LRRC43: variants seen among roughly 807,000 people sequenced by gnomAD.
LRRC43 encodes leucine-rich repeat-containing protein 43.
LRRC43 carries 62 observed loss-of-function variants against 64.3 expected under a neutral mutation model. The ratio of observed to expected loss-of-function variants is 0.96; its 90% CI spans 0.79 to 1.19. The LOEUF (loss-of-function observed/expected upper bound fraction) is 1.19. Among genes scored for constraint, LRRC43 ranks in the 50% most tolerant of loss-of-function variants. The pLI is 0.00. For synonymous variants in LRRC43, 422 were observed against 382.3 expected (o/e 1.10, Z -1.21); for missense variants, 868 against 845.0 (o/e 1.03, Z -0.34).
At chr12:122,172,204 C>A in intron 1 of LRRC43, 1 of 515,074 alleles carries the variant, frequency 1.9e-6, no homozygotes, top group Non-Finnish European at 3.5e-6. Context: ...CCATAAATAC[C>A]AAGACTAATA....
Position 122,193,004 on chromosome 12 carries a change from G to A in LRRC43, c.1349G>A (p.Gly450Glu), listed in dbSNP as rs1953736268. 2 of 1,613,092 alleles carry A rather than the reference G, an allele frequency of 1.2e-6. No homozygotes were observed. Among genetic ancestry groups the A allele is most frequent in the African/African-American group, 1.3e-5 (1 of 74,824 alleles). ...GATCCCCGGCTCTGCCCGTCCCCAG[G>A]GTAAGGATGGAAATCTGAACCAGGG... ...RIDPRLCPSP[G>E]TVLFSTAHKP... The change falls in exon 7 of 12, where the codon GGG becomes GAG. Residue 450 changes from glycine to glutamate, a missense_variant and splice_region_variant. Physicochemically the swap from Gly to Glu is moderately conservative, Grantham distance 98. Coordinates refer to ENST00000339777, the MANE Select transcript of LRRC43 (RefSeq NM_001098519.2).
Position 122,187,793 on chromosome 12 carries a change from C to A in LRRC43, c.615C>A (p.Asn205Lys). Residue 205 changes from asparagine (N) to lysine (K), a missense_variant, in exon 4 of 12, where the codon AAC becomes AAA. Physicochemically the swap from Asn to Lys is moderately conservative, Grantham distance 94. Transcript: ENST00000339777. The stretch of plus-strand genomic sequence containing the variant: ...TGCAGCACTTGGGGTTAGGCCACAA[C>A]AAACTTCTAGGCCCCTTGGAAAGTC... Reference protein sequence around the residue: ...AGLQHLGLGHNKLLGPLESLY... With the variant: ...AGLQHLGLGHKKLLGPLESLY... 6.2e-7 allele frequency: 1 copy of A among 1,614,180 alleles called. No individual in the cohort carries two copies. Among genetic ancestry groups the A allele is most frequent in the Non-Finnish European group, 8.5e-7 (1 of 1,180,036 alleles).
At chr12:122,173,968 A>G in intron 1 of LRRC43, 4 of 1,614,176 alleles carry the variant, frequency 2.5e-6, no homozygotes, top group Non-Finnish European at 3.4e-6. Flanking sequence ...GCAGCAGAAC[A>G]GAAAGAGCAC....
chr12:122,190,657 G>A (rs1035140958), intron 5 of LRRC43, among the ~76,000 whole-genome samples: 8 of 152,150 alleles, frequency 5.3e-5, no homozygotes, highest in Admixed American at 5.2e-4. Context: ...GAAGTCAGGA[G>A]TTTGAGACCA....
chr12:122,177,926 C>T (rs945688373), intron 1 of LRRC43, among the ~76,000 whole-genome samples: 3 of 151,738 alleles, frequency 2.0e-5, no homozygotes, highest in African/African-American at 7.3e-5. Flanking sequence ...CAACCTCTGC[C>T]TCCTGGGTTC....
In LRRC43 at chr12:122,201,296, G is replaced by A; in HGVS notation, c.1810G>A (p.Asp604Asn). The A allele has an allele frequency of 1.2e-6, 2 of 1,614,084 alleles. No homozygotes were observed. Among genetic ancestry groups the A allele is most frequent in the Non-Finnish European group, 1.7e-6 (2 of 1,179,960 alleles). The change falls in exon 11 of 12, where the codon GAT becomes AAT. Residue 604 changes from aspartate (D) to asparagine (N), a missense_variant and splice_region_variant. Physicochemically the swap from Asp to Asn is conservative, Grantham distance 23. Coordinates refer to ENST00000339777, the MANE Select transcript of LRRC43 (RefSeq NM_001098519.2). ...CTCGTTTTGTGGTTCTTTCTCTCAG[G>A]ATTCAAAGAAGATTAAGAAAGTTGC... is the stretch of plus-strand genomic sequence containing the variant. ...LTSDRLTLAR[D>N]SKKIKKVAKK... is the part of the protein sequence containing the mutation.
At position 122,200,450 on chromosome 12, in the gene LRRC43, A is replaced by G. The variant is rs564938267; in HGVS notation, c.1492-82A>G. 3.4e-5 allele frequency: 54 copies of G among 1,611,096 alleles called. No individual in the cohort carries two copies. In the African/African-American group the frequency reaches 6.1e-4, roughly 18 times the overall value. On this transcript the variant is annotated intron_variant, in intron 8 of 11. Transcript: ENST00000339777. This position sits in a 1 kb window ranked among gnomAD's most constrained non-coding sequence, Gnocchi z 4.6. The stretch of plus-strand genomic sequence containing the variant: ...CCTGGTTAGATGAGTTCTCAGCGCC[A>G]TTCCAGAAAGGGTGAGGGAGAGGTG...
At chr12:122,189,860 G>A (rs1276011886) in intron 4 of LRRC43, among the ~76,000 whole-genome samples, 1 of 152,234 alleles carries the variant, frequency 6.6e-6, no homozygotes. Flanking sequence ...GAGAGGTTTG[G>A]CCAAGAAGAG....
rs1023701484 is a variant in LRRC43, at chr12:122,187,695, TC to T, written c.523-3del. The T allele has an allele frequency of 6.2e-7, 1 of 1,612,896 alleles. No individual in the cohort carries two copies. The highest frequency in any genetic ancestry group is 1.3e-5 in the African/African-American group (1 of 74,896). On this transcript the variant is annotated splice_polypyrimidine_tract_variant and splice_region_variant and intron_variant, in intron 3 of 11. Coordinates refer to ENST00000339777, the MANE Select transcript of LRRC43 (RefSeq NM_001098519.2). Reference sequence around the variant, plus strand: ...ATCGTCCCGGGCCTTCCGTGTGGTCTCCCAGGTGCTGGAGCTCTACGGCAAT... The same window carrying T: ...ATCGTCCCGGGCCTTCCGTGTGGTCTCCAGGTGCTGGAGCTCTACGGCAAT...
chr12:122,201,489 C>G (rs1221027278), intron 11 of LRRC43, among the ~76,000 whole-genome samples, 160 bp downstream of exon 11: 1 of 152,158 alleles, frequency 6.6e-6, no homozygotes, highest in Non-Finnish European at 1.5e-5. Context: ...TATTTCTTCT[C>G]TGCAGCCCTC....
chr12:122,169,259 T>G (rs1291586535), intron 1 of LRRC43, among the ~76,000 whole-genome samples: 3 of 152,202 alleles, frequency 2.0e-5, no homozygotes, highest in Non-Finnish European at 4.4e-5. Flanking sequence ...CACCATGGTT[T>G]GAAGGGAGAT....
intron 7 of LRRC43, among the ~76,000 whole-genome samples, chr12:122,193,251 G>T (rs1051483285): frequency 6.6e-6 from 1 of 151,770 alleles, no homozygotes; most frequent in Non-Finnish European, 1.5e-5. Context: ...CGTGGTGGCA[G>T]GCGCCTGTAG....
intron 10 of LRRC43, 137 bp from the exon 11 acceptor site, chr12:122,201,159 G>A: frequency 9.3e-7 from 1 of 1,069,772 alleles, no homozygotes; most frequent in Non-Finnish European, 1.4e-6. Context: ...GGATGGGCTG[G>A]GGCAGCCACC....
At chr12:122,174,113 T>A in intron 1 of LRRC43, 2 of 1,613,968 alleles carry the variant, frequency 1.2e-6, no homozygotes, top group Admixed American at 1.7e-5. Context: ...CCTGGTGAGA[T>A]AAGATGATGC....
chr12:122,186,172 T>G lies in LRRC43; in HGVS notation c.412-18T>G. 6.8e-7 allele frequency: 1 copy of G among 1,463,946 alleles called. No homozygotes were observed. Among genetic ancestry groups the G allele is most frequent in the Non-Finnish European group, 9.4e-7 (1 of 1,060,204 alleles). The allele number at this position is 1,463,946 out of a possible 1,614,324, so 90.7% of individuals were successfully genotyped here. On this transcript the variant is annotated intron_variant, in intron 2 of 11. Coordinates refer to ENST00000339777, the MANE Select transcript of LRRC43 (RefSeq NM_001098519.2). ...CCCTCTCCTGCTACAGCCCTCAGCT[T>G]CCTCTCCCCTCTTCCAGGTCACCCT... is the stretch of plus-strand genomic sequence containing the variant.
chr12:122,180,372 A>G (rs1253434457), upstream of LRRC43, among the ~76,000 whole-genome samples: 1 of 152,038 alleles, frequency 6.6e-6, no homozygotes, highest in Non-Finnish European at 1.5e-5. Flanking sequence ...TACAAAAACT[A>G]GCTGGGCATG....
At position 122,187,840 on chromosome 12, in the gene LRRC43, G is replaced by A; in HGVS notation, c.662G>A (p.Trp221Ter). 1 of 1,613,814 alleles carries A rather than the reference G, an allele frequency of 6.2e-7. No homozygotes were observed. Among genetic ancestry groups the A allele is most frequent in the Non-Finnish European group, 8.5e-7 (1 of 1,179,858 alleles). ...AGTCTCTACGTCACCGCTAATCACT[G>A]GTAACTCGGGAGCCCAGATGGAAAG... ...LESLYVTANH[W>*]PNLVSLDLGF... Residue 221 changes from tryptophan to a stop codon, truncating the protein, a stop_gained and splice_region_variant, in exon 4 of 12, where the codon TGG (tryptophan) becomes TAG (stop). Coordinates refer to ENST00000339777, the MANE Select transcript of LRRC43 (RefSeq NM_001098519.2). LOFTEE classifies it high-confidence loss of function.
In LRRC43 at chr12:122,200,632, C is replaced by T. The variant is rs780825256; in HGVS notation, c.1592C>T (p.Thr531Met). Residue 531 changes from threonine (T) to methionine (M), a missense_variant, in exon 9 of 12, where the codon ACG (threonine) becomes ATG (methionine). Thr to Met is a moderately conservative substitution (Grantham distance 81, BLOSUM62 -1). Coordinates refer to ENST00000339777, the MANE Select transcript of LRRC43 (RefSeq NM_001098519.2). The surrounding 1 kb of genome is among the most constrained non-coding windows in gnomAD (Gnocchi z 4.6). ...KDKKGKEKDR[T>M]GKGEKEPAKE... ...AAGAAAGGGAAGGAGAAAGACAGGA[C>T]GGGGAAAGGAGAGAAAGAGCCGGCC... 5 of 1,532,710 alleles carry T rather than the reference C, an allele frequency of 3.3e-6. No homozygotes were observed. The highest frequency in any genetic ancestry group is 1.7e-4 in the Middle Eastern group (1 of 6,022). 94.9% of individuals were successfully genotyped at this position (1,532,710 alleles called of 1,614,324 possible).
chr12:122,191,104 A>G (rs1593149897), intron 5 of LRRC43, among the ~76,000 whole-genome samples: 1 of 152,190 alleles, frequency 6.6e-6, no homozygotes, highest in South Asian at 2.1e-4. Context: ...TCTCCAGGTC[A>G]CTGTGACGTG....
Sources: allele counts gnomAD v4.1 joint callset (sites outside exome capture counted in the v4.1 genomes callset), GRCh38; gene constraint gnomAD v4.1.1; non-coding constraint Gnocchi (gnomAD v3.1); transcripts MANE v1.5; gene names NCBI Gene and HGNC (gene_info 2026-07-23, HGNC 2026-07-21).